The following PAK1IP1 variants were observed in gnomAD, a reference collection of about 807,000 sequenced individuals.
PAK1IP1 encodes the protein p21-activated protein kinase-interacting protein 1.
A neutral mutation model predicts 42.0 loss-of-function variants in PAK1IP1; 24 were observed. The ratio of observed to expected loss-of-function variants is 0.57; its 90% CI spans 0.41 to 0.80. PAK1IP1 has a LOEUF of 0.80. PAK1IP1 is among the 30% of genes least tolerant of loss of function. PAK1IP1 has a pLI of 0.00. For missense variants in PAK1IP1, 411 were observed against 467.9 expected, an observed-to-expected ratio of 0.88 and a Z score of 1.12; for synonymous variants, 154 against 156.7, an observed-to-expected ratio of 0.98 and a Z score of 0.13.
At position 10,697,483 on chromosome 6, in the gene PAK1IP1, AG is replaced by A; in HGVS notation, c.245del (p.Ser82MetfsTer4). 1 of 1,609,430 alleles carries A rather than the reference AG, an allele frequency of 6.2e-7. No homozygotes were observed. The highest frequency in any genetic ancestry group is 8.5e-7 in the Non-Finnish European group (1 of 1,176,282). On this transcript the variant is annotated frameshift_variant and splice_region_variant, in exon 2 of 10. Coordinates refer to ENST00000379568, the MANE Select transcript of PAK1IP1 (RefSeq NM_017906.3). LOFTEE classifies it high-confidence loss of function. ...TGAGCATGGGGCTCTAGTGCATCAC[AG>A]TGGTAAGAAAATTGTATCCCTTAAG... ...KIEHGALVHH[S>X]GTITCLKFYG... is the part of the protein sequence containing the mutation.
intron 1 of PAK1IP1, 49 bp downstream of exon 1, chr6:10,695,118 C>A (rs934487641): frequency 3.2e-6 from 4 of 1,259,994 alleles, no homozygotes; most frequent in East Asian, 2.3e-5. Context: ...CCGGGAAGGT[C>A]GGGTTTGGTT....
upstream of PAK1IP1, chr6:10,694,590 C>CGA: frequency 1.2e-5 from 2 of 172,406 alleles, no homozygotes; most frequent in East Asian, 1.7e-4. Context: ...GCCGGCGCTA[C>CGA]AGCCCCTAAG....
At chr6:10,702,767 T>C in intron 4 of PAK1IP1, 128 bp downstream of exon 4, 1 of 679,130 alleles carries the variant, frequency 1.5e-6, no homozygotes, top group South Asian at 1.7e-5. Flanking sequence ...TGGTTCATAG[T>C]GGTAGAATGA....
At chr6:10,703,869 A>G (rs567992778) in intron 5 of PAK1IP1, among the ~76,000 whole-genome samples, 3 of 152,180 alleles carry the variant, frequency 2.0e-5, no homozygotes, top group African/African-American at 4.8e-5. Context: ...ACATGTGTGT[A>G]TGTTACACAT....
Position 10,709,319 on chromosome 6 carries a change from C to T in PAK1IP1, c.1046C>T (p.Thr349Ile). Reference sequence around the variant, plus strand: ...GAAGAAAAGCGGTCAAAACCTAACACAAAGAAACGCGGTTTAACAGGTGAC... The same window carrying T: ...GAAGAAAAGCGGTCAAAACCTAACATAAAGAAACGCGGTTTAACAGGTGAC... ...HKEEKRSKPN[T>I]KKRGLTGDSK... Residue 349 changes from threonine to isoleucine, a missense_variant, in exon 10 of 10, where the codon ACA (threonine) becomes ATA (isoleucine). Transcript: ENST00000379568. 1.9e-6 allele frequency: 3 copies of T among 1,613,730 alleles called. No homozygotes were observed. Among genetic ancestry groups the T allele is most frequent in the Non-Finnish European group, 2.5e-6 (3 of 1,179,902 alleles).
intron 1 of PAK1IP1, among the ~76,000 whole-genome samples, chr6:10,695,582 A>G (rs969800444): frequency 6.6e-6 from 1 of 152,162 alleles, no homozygotes; most frequent in Non-Finnish European, 1.5e-5. Context: ...TTGCCTACAT[A>G]AGGGGTGGAG....
At chr6:10,697,217 T>C (rs1769885676) in intron 1 of PAK1IP1, 107 bp from the exon 2 acceptor site, 1 of 912,488 alleles carries the variant, frequency 1.1e-6, no homozygotes, top group African/African-American at 1.7e-5. Context: ...TGATTTATCT[T>C]TTCAGAAACA....
Position 10,697,463 on chromosome 6 carries a change from A to T in PAK1IP1, c.224A>T (p.His75Leu), listed in dbSNP as rs781604474. The T allele has an allele frequency of 6.2e-7, 1 of 1,613,934 alleles. No homozygotes were observed. The highest frequency in any genetic ancestry group is 8.5e-7 in the Non-Finnish European group (1 of 1,179,808). The change falls in exon 2 of 10, where the codon CAT becomes CTT. Residue 75 changes from histidine (H) to leucine (L), a missense_variant. His to Leu is a moderately conservative substitution (Grantham distance 99). Coordinates refer to ENST00000379568, the MANE Select transcript of PAK1IP1 (RefSeq NM_017906.3). ...HIYDMKKKIE[H>L]GALVHHSGTI... ...TATGACATGAAAAAGAAGATTGAGC[A>T]TGGGGCTCTAGTGCATCACAGTGGT...
intron 8 of PAK1IP1, among the ~76,000 whole-genome samples, chr6:10,707,748 G>A (rs1230497397): frequency 2.0e-5 from 3 of 152,316 alleles, no homozygotes; most frequent in South Asian, 4.1e-4. Context: ...TTTAGTCAGA[G>A]AAGCTCTACT....
chr6:10,693,899 A>G (rs1018141315), upstream of PAK1IP1, among the ~76,000 whole-genome samples: 2 of 152,020 alleles, frequency 1.3e-5, no homozygotes, highest in Admixed American at 1.3e-4. Flanking sequence ...GGGCTAATTT[A>G]TAACATTTTT....
chr6:10,701,184 C>T lies in PAK1IP1; in HGVS notation c.248-1185C>T, dbSNP rs60460173. Among the ~76,000 whole-genome samples the T allele has an allele frequency of 5.7e-3, 874 of 152,322 alleles. 7 individuals carry two copies. The highest frequency in any genetic ancestry group is 0.02 in the African/African-American group (830 of 41,574). ...CTCCATCTCCCGGGTTCAAGCGATT[C>T]TTGTGCCTCAGCCTCCTGAGTAGCT... On this transcript the variant is annotated intron_variant, in intron 2 of 9. Transcript: ENST00000379568.
intron 8 of PAK1IP1, among the ~76,000 whole-genome samples, 191 bp from the exon 9 acceptor site, chr6:10,708,762 A>G (rs536302394): frequency 8.6e-5 from 13 of 151,658 alleles, no homozygotes; most frequent in African/African-American, 3.1e-4. Flanking sequence ...ATTCCCACCT[A>G]TGAGTGAGAA....
chr6:10,699,527 G>T (rs918578689), intron 2 of PAK1IP1, among the ~76,000 whole-genome samples: 1 of 152,208 alleles, frequency 6.6e-6, no homozygotes, highest in Non-Finnish European at 1.5e-5. Context: ...AGGTACCCAG[G>T]ATAGTGGCAG....
chr6:10,701,814 A>G (rs1770036081), intron 2 of PAK1IP1, among the ~76,000 whole-genome samples: 1 of 152,264 alleles, frequency 6.6e-6, no homozygotes, highest in African/African-American at 2.4e-5. Context: ...ATTTGAAGAC[A>G]TAAAGCAAGG....
chr6:10,691,868 G>C (rs1251649615), upstream of PAK1IP1, among the ~76,000 whole-genome samples: 1 of 151,940 alleles, frequency 6.6e-6, no homozygotes, highest in Non-Finnish European at 1.5e-5. Context: ...ACCACTTTGA[G>C]TTATGTTCAT....
At chr6:10,693,488 C>G (rs756293221), upstream of PAK1IP1, among the ~76,000 whole-genome samples, 23 of 152,204 alleles carry the variant, frequency 1.5e-4, no homozygotes, top group Non-Finnish European at 3.4e-4. Flanking sequence ...TTAACACGTA[C>G]TAACAATTCA....
upstream of PAK1IP1, among the ~76,000 whole-genome samples, chr6:10,691,292 T>C (rs1769277405): frequency 6.6e-6 from 1 of 152,144 alleles, no homozygotes; most frequent in South Asian, 2.1e-4. Context: ...TCGGCAAGAC[T>C]CACGTCTCCA....
In PAK1IP1 at chr6:10,702,586, T is replaced by A; in HGVS notation, c.390T>A (p.Ser130=). ...KAHKGQVTFL[S]IHPSGKLALS... ...ATAGAGGACAGGTGACCTTCCTTTC[T>A]ATTCACCCATCTGGCAAGTTGGCCC... Residue 130 remains serine (S), a synonymous_variant, in exon 4 of 10, where the codon TCT becomes TCA. Transcript: ENST00000379568. 6.2e-7 allele frequency: 1 copy of A among 1,613,954 alleles called. No individual in the cohort carries two copies. The highest frequency in any genetic ancestry group is 8.5e-7 in the Non-Finnish European group (1 of 1,179,962).
intron 7 of PAK1IP1, among the ~76,000 whole-genome samples, chr6:10,705,840 GTTTTA>G (rs1298495678): frequency 1.3e-5 from 2 of 152,158 alleles, no homozygotes; most frequent in African/African-American, 4.8e-5. Flanking sequence ...CAGTGGTTAA[GTTTTA>G]AGAAATCCAT....
Sources: gnomAD v4.1 joint callset for allele counts (sites outside exome capture counted in the v4.1 genomes callset) on GRCh38, gnomAD v4.1.1 for gene constraint, MANE v1.5 for transcripts, NCBI Gene and HGNC (gene_info 2026-07-23, HGNC 2026-07-21) for gene names.